Variants in PDLIM5 observed in about 807,000 individuals in gnomAD.
PDLIM5 encodes the protein PDZ and LIM domain protein 5.
In PDLIM5, 34 loss-of-function variants were observed where a neutral mutation model predicts 64.2. The observed-to-expected ratio is 0.53, with a 90% CI of 0.40 to 0.71. PDLIM5 has a LOEUF of 0.71. Ranked by LOEUF, PDLIM5 falls within the 30% of genes least tolerant of loss-of-function variation. The pLI, the probability that PDLIM5 is intolerant of heterozygous loss-of-function variation, is 0.00. For missense variants in PDLIM5, 683 were observed against 733.6 expected (o/e 0.93, Z 0.80); for synonymous variants, 253 against 269.1 (o/e 0.94, Z 0.59).
intron 7 of PDLIM5, chr4:94,588,008 A>G (rs1736379945): frequency 1.0e-6 from 1 of 963,718 alleles, no homozygotes; most frequent in South Asian, 4.8e-5. Context: ...TGGAAGCTAA[A>G]TATATGACCA....
At position 94,618,133 on chromosome 4, in the gene PDLIM5, G is replaced by C. The variant is rs1482882522; in HGVS notation, c.1050G>C (p.Lys350Asn). 3 of 1,612,296 alleles carry C rather than the reference G, an allele frequency of 1.9e-6. No homozygotes were observed. The highest frequency in any genetic ancestry group is 1.7e-6 in the Non-Finnish European group (2 of 1,179,226). Reference protein sequence around the residue: ...VTSLTAAAAFKPVGSTGVIKS... With the variant: ...VTSLTAAAAFNPVGSTGVIKS... Reference sequence around the variant, plus strand: ...GCCTCACAGCTGCAGCTGCCTTCAAGCCTGTAGGATCCACTGGCGTCATCA... The same window carrying C: ...GCCTCACAGCTGCAGCTGCCTTCAACCCTGTAGGATCCACTGGCGTCATCA... The change falls in exon 8 of 13, where the codon AAG becomes AAC. Residue 350 changes from lysine (K) to asparagine (N), a missense_variant. By Grantham distance (94) the Lys-to-Asn change is moderately conservative (BLOSUM62 0). Transcript: ENST00000317968.
intron 8 of PDLIM5, among the ~76,000 whole-genome samples, chr4:94,631,152 C>G (rs1253184830): frequency 2.0e-5 from 3 of 151,692 alleles, no homozygotes; most frequent in Non-Finnish European, 4.4e-5. Flanking sequence ...AGCCTCCTAC[C>G]TCAGTTTCCC....
chr4:94,625,495 C>G (rs1030219842), intron 8 of PDLIM5, among the ~76,000 whole-genome samples: 1 of 151,270 alleles, frequency 6.6e-6, no homozygotes, highest in Non-Finnish European at 1.5e-5. Flanking sequence ...CTGTGTTGCC[C>G]AGGCTGGAGT....
intron 2 of PDLIM5, among the ~76,000 whole-genome samples, chr4:94,492,668 A>G (rs1457849150): frequency 6.6e-6 from 1 of 151,968 alleles, no homozygotes; most frequent in Non-Finnish European, 1.5e-5. Context: ...ACTTACCATA[A>G]TGTTTTTGTG....
intron 2 of PDLIM5, among the ~76,000 whole-genome samples, chr4:94,462,550 C>A (rs947789982): frequency 6.6e-6 from 1 of 151,572 alleles, no homozygotes; most frequent in Admixed American, 6.6e-5. Flanking sequence ...TAAGTTTTGC[C>A]CATATATGTA....
At chr4:94,627,142 A>T (rs1020375284) in intron 8 of PDLIM5, among the ~76,000 whole-genome samples, 24 of 152,118 alleles carry the variant, frequency 1.6e-4, no homozygotes, top group African/African-American at 5.8e-4. Context: ...CTGCATTTTG[A>T]CATCATTAAA....
chr4:94,621,097 A>G (rs1231864845), intron 8 of PDLIM5, among the ~76,000 whole-genome samples: 2 of 146,288 alleles, frequency 1.4e-5, no homozygotes. Context: ...AAAAAAAAAA[A>G]AGCTAGAAGT....
intron 2 of PDLIM5, among the ~76,000 whole-genome samples, chr4:94,520,509 C>T (rs1729742068): frequency 6.6e-6 from 1 of 152,186 alleles, no homozygotes; most frequent in South Asian, 2.1e-4. Context: ...TGTAGTCTTT[C>T]CTTGGCTGCT....
At chr4:94,552,254 T>C (rs965892306) in intron 3 of PDLIM5, among the ~76,000 whole-genome samples, 1 of 152,198 alleles carries the variant, frequency 6.6e-6, no homozygotes, top group African/African-American at 2.4e-5. Context: ...TTCCATTTAG[T>C]GACAACTGTT....
intron 8 of PDLIM5, among the ~76,000 whole-genome samples, chr4:94,634,921 T>G (rs1420311863): frequency 6.6e-6 from 1 of 152,234 alleles, no homozygotes; most frequent in Non-Finnish European, 1.5e-5. Flanking sequence ...CTGGACTAAC[T>G]TAACAAATTT....
At chr4:94,456,222 G>C in intron 2 of PDLIM5, 1 of 438,376 alleles carries the variant, frequency 2.3e-6, no homozygotes, top group Non-Finnish European at 4.0e-6. Flanking sequence ...TTTTGAGACA[G>C]AGTTTTGTTC....
chr4:94,462,173 T>C (rs1345518409), intron 2 of PDLIM5, among the ~76,000 whole-genome samples: 1 of 152,126 alleles, frequency 6.6e-6, no homozygotes, highest in East Asian at 1.9e-4. Flanking sequence ...TAATTTTCTT[T>C]AGGTAAGACA....
At chr4:94,531,187 C>G (rs1019172994) in intron 3 of PDLIM5, among the ~76,000 whole-genome samples, 10 of 151,802 alleles carry the variant, frequency 6.6e-5, no homozygotes, top group Admixed American at 3.3e-4. Flanking sequence ...TTCTTCTTTG[C>G]TTATTTGTTT....
chr4:94,605,421 A>G (rs2110360652), intron 7 of PDLIM5, among the ~76,000 whole-genome samples: 1 of 152,362 alleles, frequency 6.6e-6, no homozygotes, highest in Non-Finnish European at 1.5e-5. Context: ...CCAAAAGGGA[A>G]AGACTTTATC....
chr4:94,593,513 TG>T (rs1412940069), intron 7 of PDLIM5, among the ~76,000 whole-genome samples: 3 of 152,016 alleles, frequency 2.0e-5, no homozygotes, highest in Non-Finnish European at 4.4e-5. Context: ...TTTTTCTCTG[TG>T]GGGGCACAGA....
chr4:94,606,455 C>T (rs1219981151), intron 7 of PDLIM5, among the ~76,000 whole-genome samples: 1 of 151,920 alleles, frequency 6.6e-6, no homozygotes, highest in Non-Finnish European at 1.5e-5. Context: ...GGGCTGAGGA[C>T]AGTGAGGAGT....
intron 9 of PDLIM5, among the ~76,000 whole-genome samples, chr4:94,643,287 T>G (rs778400512): frequency 9.2e-5 from 14 of 152,218 alleles, no homozygotes; most frequent in Non-Finnish European, 1.9e-4. Context: ...TAGCTACGAA[T>G]GAATAGGAAG....
chr4:94,469,234 C>T (rs1046294083), intron 2 of PDLIM5, among the ~76,000 whole-genome samples: 2 of 151,936 alleles, frequency 1.3e-5, no homozygotes, highest in Non-Finnish European at 2.9e-5. Flanking sequence ...AATGGTAACT[C>T]ACACACAAAA....
chr4:94,613,393 G>T (rs1440099686), intron 7 of PDLIM5, among the ~76,000 whole-genome samples: 2 of 152,128 alleles, frequency 1.3e-5, no homozygotes, highest in Non-Finnish European at 2.9e-5. Flanking sequence ...CTGTATCTGA[G>T]CTTTATTTGT....
Sources: allele counts gnomAD v4.1 joint callset (sites outside exome capture counted in the v4.1 genomes callset), GRCh38; gene constraint gnomAD v4.1.1; transcripts MANE v1.5; gene names NCBI Gene and HGNC (gene_info 2026-07-23, HGNC 2026-07-21).